PHKB: variants seen among roughly 807,000 people sequenced by gnomAD.
PHKB encodes phosphorylase b kinase regulatory subunit beta.
A neutral mutation model predicts 152.1 loss-of-function variants in PHKB; 122 were observed. The observed-to-expected ratio is 0.80, with a 90% confidence interval of 0.69 to 0.93. PHKB has a LOEUF of 0.93. Ranked by LOEUF, PHKB falls within the 40% of genes least tolerant of loss-of-function variation. The probability of loss-of-function intolerance (pLI) is 0.00; values close to 1 mark genes in which losing one functional copy is unlikely to be tolerated. For synonymous variants in PHKB, 436 were observed against 464.9 expected (o/e 0.94, Z 0.80); for missense variants, 1,304 against 1,328.4 (o/e 0.98, Z 0.29).
At chr16:47,508,445 AT>A (rs1474401185) in intron 4 of PHKB, among the ~76,000 whole-genome samples, 1 of 152,022 alleles carries the variant, frequency 6.6e-6, no homozygotes, top group East Asian at 1.9e-4. Flanking sequence ...TCTACTGAAA[AT>A]TTTTTTTAAA....
At chr16:47,645,326 C>T (rs955714886) in intron 16 of PHKB, among the ~76,000 whole-genome samples, 55 of 130,504 alleles carry the variant, frequency 4.2e-4, no homozygotes, top group African/African-American at 1.5e-3. Flanking sequence ...AGGTTTTCTT[C>T]TAGGGTTTTT....
chr16:47,562,917 TC>T (rs1971500508), intron 7 of PHKB, among the ~76,000 whole-genome samples: 3 of 152,218 alleles, frequency 2.0e-5, no homozygotes. Flanking sequence ...TCCTTTGTTG[TC>T]AACTCAATAA....
intron 6 of PHKB, chr16:47,530,002 G>A (rs958145880): frequency 6.6e-6 from 1 of 152,014 alleles, no homozygotes; most frequent in Non-Finnish European, 1.5e-5. Flanking sequence ...TTCATGAAAA[G>A]CATTCTAATA....
intron 13 of PHKB, among the ~76,000 whole-genome samples, chr16:47,609,800 TTTC>T (rs1972393814): frequency 6.6e-6 from 1 of 152,176 alleles, no homozygotes; most frequent in African/African-American, 2.4e-5. Context: ...TTGAGTCTTC[TTTC>T]TTCTTTTCTT....
At chr16:47,508,341 A>G (rs932439183) in intron 4 of PHKB, among the ~76,000 whole-genome samples, 11 of 152,280 alleles carry the variant, frequency 7.2e-5, no homozygotes, top group African/African-American at 2.2e-4. Flanking sequence ...GCCTACAGAG[A>G]GGCATTCAGA....
intron 3 of PHKB, among the ~76,000 whole-genome samples, chr16:47,500,228 G>A (rs1463367719): frequency 6.6e-6 from 1 of 152,114 alleles, no homozygotes; most frequent in South Asian, 2.1e-4. Flanking sequence ...GATAGAGATG[G>A]GGTTTCTGTT....
chr16:47,640,086 C>G (rs1344909670), intron 14 of PHKB, among the ~76,000 whole-genome samples: 1 of 152,196 alleles, frequency 6.6e-6, no homozygotes, highest in African/African-American at 2.4e-5. Flanking sequence ...GACGATGATT[C>G]TGGGAACCAT....
At chr16:47,624,057 T>G (rs1972666097) in intron 14 of PHKB, among the ~76,000 whole-genome samples, 1 of 152,216 alleles carries the variant, frequency 6.6e-6, no homozygotes, top group Admixed American at 6.5e-5. Context: ...CCTATAATTT[T>G]TGTATATTTT....
chr16:47,480,581 A>G (rs1969946960), intron 1 of PHKB, among the ~76,000 whole-genome samples: 1 of 152,330 alleles, frequency 6.6e-6, no homozygotes, highest in East Asian at 1.9e-4. Flanking sequence ...CAAAAAACTG[A>G]CAAGTTCAAG....
intron 1 of PHKB, among the ~76,000 whole-genome samples, chr16:47,467,011 C>T (rs904064714): frequency 6.6e-6 from 1 of 152,096 alleles, no homozygotes; most frequent in African/African-American, 2.4e-5. Flanking sequence ...GATTCAGCTT[C>T]TTGCTTTGTA....
intron 13 of PHKB, among the ~76,000 whole-genome samples, chr16:47,607,523 T>C (rs962812046): frequency 6.6e-6 from 1 of 152,262 alleles, no homozygotes; most frequent in African/African-American, 2.4e-5. Flanking sequence ...TCATTCCTTT[T>C]TTATGGCAGA....
At chr16:47,672,679 G>A (rs1973657293) in intron 26 of PHKB, among the ~76,000 whole-genome samples, 2 of 152,030 alleles carry the variant, frequency 1.3e-5, no homozygotes, top group South Asian at 4.1e-4. Context: ...TGCTTATTCA[G>A]CATTTTAAGC....
chr16:47,487,384 C>T (rs1453734791), intron 1 of PHKB, among the ~76,000 whole-genome samples: 1 of 150,882 alleles, frequency 6.6e-6, no homozygotes, highest in African/African-American at 2.4e-5. Flanking sequence ...CATACCTAGA[C>T]CAAATGTTAT....
intron 7 of PHKB, among the ~76,000 whole-genome samples, chr16:47,568,047 C>G (rs539031792): frequency 6.6e-6 from 1 of 151,978 alleles, no homozygotes; most frequent in Non-Finnish European, 1.5e-5. Flanking sequence ...AGGGTGATAC[C>G]GACTTTGTAG....
intron 6 of PHKB, among the ~76,000 whole-genome samples, chr16:47,535,446 A>G (rs560365537): frequency 1.3e-5 from 2 of 152,300 alleles, no homozygotes; most frequent in Non-Finnish European, 2.9e-5. Flanking sequence ...CTTGTTAACA[A>G]ATTATATTAC....
chr16:47,519,531 C>A (rs1970651574), intron 6 of PHKB, among the ~76,000 whole-genome samples: 3 of 152,200 alleles, frequency 2.0e-5, no homozygotes, highest in Admixed American at 2.0e-4. Context: ...GCCTCAGTTT[C>A]TCCCCAGCTG....
intron 22 of PHKB, 89 bp downstream of exon 22, chr16:47,660,908 C>A: frequency 7.6e-7 from 1 of 1,322,538 alleles, no homozygotes; most frequent in Admixed American, 1.7e-5. Flanking sequence ...TTTGTCCTGT[C>A]AGTGAAGGTA....
intron 26 of PHKB, among the ~76,000 whole-genome samples, chr16:47,678,587 C>T (rs1316494136): frequency 2.0e-5 from 3 of 152,030 alleles, no homozygotes; most frequent in African/African-American, 7.3e-5. Context: ...AGTGTCTGTT[C>T]ATGTCCTTCG....
chr16:47,584,834 A>C (rs1971908645), intron 8 of PHKB, among the ~76,000 whole-genome samples: 1 of 152,240 alleles, frequency 6.6e-6, no homozygotes, highest in Non-Finnish European at 1.5e-5. Context: ...AGATGAGGGC[A>C]GCAAGTCCCT....
Sources: gnomAD v4.1 joint callset for allele counts (sites outside exome capture counted in the v4.1 genomes callset) on GRCh38, gnomAD v4.1.1 for gene constraint, MANE v1.5 for transcripts, NCBI Gene and HGNC (gene_info 2026-07-23, HGNC 2026-07-21) for gene names.